Variants in KDM6A observed in about 807,000 individuals in gnomAD.
The protein encoded by KDM6A is lysine-specific demethylase 6A.
A neutral mutation model predicts 117.6 loss-of-function variants in KDM6A; 11 were observed. The ratio of observed to expected loss-of-function variants is 0.09; its 90% CI spans 0.06 to 0.15. The LOEUF (loss-of-function observed/expected upper bound fraction) is 0.15. Ranked by LOEUF, KDM6A falls within the 10% of genes least tolerant of loss-of-function variation. KDM6A has a pLI of 1.00. For missense variants in KDM6A, 799 were observed against 1,077.3 expected, an observed-to-expected ratio of 0.74 and a Z score of 3.62; for synonymous variants, 384 against 396.1, an observed-to-expected ratio of 0.97 and a Z score of 0.36.
chrX:44,881,301 C>T (rs1375390725), intron 2 of KDM6A, among the ~76,000 whole-genome samples: 2 of 111,630 alleles, frequency 1.8e-5, no homozygotes, highest in Non-Finnish European at 3.8e-5. Context: ...TGTGATGGCG[C>T]GTACCTGTAA....
intron 2 of KDM6A, among the ~76,000 whole-genome samples, chrX:44,889,109 G>A (rs2033134754): frequency 8.9e-6 from 1 of 111,823 alleles, no homozygotes; most frequent in African/African-American, 3.3e-5. Context: ...TCTGCCTCCC[G>A]GATTCAAGCG....
chrX:44,970,986 C>T (rs758715881), intron 3 of KDM6A, among the ~76,000 whole-genome samples: 10 of 111,216 alleles, frequency 9.0e-5, no homozygotes, highest in Non-Finnish European at 1.9e-4. Context: ...CACCTGAGCT[C>T]ATGTGCCCAT....
intron 21 of KDM6A, 87 bp downstream of exon 21, chrX:45,079,438 C>A: frequency 1.6e-6 from 1 of 635,580 alleles, no homozygotes. Flanking sequence ...CTTTTATATG[C>A]ATCTCATCAT....
Position 44,940,680 on chromosome X carries a change from CTTAA to C in KDM6A, c.226-20598_226-20595del, listed in dbSNP as rs2037254840. Among the ~76,000 whole-genome samples the C allele has an allele frequency of 3.6e-5, 4 of 112,048 alleles. No individual in the cohort carries two copies. In the East Asian group the frequency reaches 1.1e-3, roughly 31 times the overall value. Reference sequence around the variant, plus strand: ...CTCCATGAAAAAAGAGGCCAGTTCACTTAATTAATCATTGTACAAAAATGCTTTA... The same window carrying C: ...CTCCATGAAAAAAGAGGCCAGTTCACTTAATCATTGTACAAAAATGCTTTA... On this transcript the variant is annotated intron_variant, in intron 2 of 29. Coordinates refer to ENST00000611820, the MANE Select transcript of KDM6A (RefSeq NM_001291415.2).
At chrX:45,003,697 A>ATCTC (rs754445669) in intron 4 of KDM6A, among the ~76,000 whole-genome samples, 16 of 106,134 alleles carry the variant, frequency 1.5e-4, no homozygotes, top group Admixed American at 5.0e-4. Flanking sequence ...TTTACTACTT[A>ATCTC]TCTCTCTCTC....
chrX:44,955,088 G>T (rs2038249503), intron 2 of KDM6A, among the ~76,000 whole-genome samples: 1 of 111,577 alleles, frequency 9.0e-6, no homozygotes, highest in South Asian at 3.7e-4. Flanking sequence ...AGATGATGTT[G>T]GGATGTCCAA....
intron 17 of KDM6A, among the ~76,000 whole-genome samples, chrX:45,068,333 T>A (rs1300212871): frequency 9.0e-6 from 1 of 110,502 alleles, no homozygotes; most frequent in Admixed American, 9.7e-5. Flanking sequence ...CAGAGGCAAA[T>A]TTCAGGTAAA....
chrX:44,906,310 G>A (rs898339900), intron 2 of KDM6A, among the ~76,000 whole-genome samples: 5 of 110,063 alleles, frequency 4.5e-5, no homozygotes, highest in African/African-American at 1.7e-4. Context: ...ACCACGCCTG[G>A]CTAATTTTTT....
intron 2 of KDM6A, among the ~76,000 whole-genome samples, chrX:44,885,192 A>ATT (rs368044228): frequency 6.0e-5 from 6 of 100,181 alleles, no homozygotes; most frequent in African/African-American, 7.3e-5. Context: ...CGTGCAGCTA[A>ATT]TTTTTTTTTT....
intron 25 of KDM6A, among the ~76,000 whole-genome samples, chrX:45,087,588 A>G (rs2045700371): frequency 8.9e-6 from 1 of 112,128 alleles, no homozygotes. Context: ...ACATTGTTAT[A>G]TGGGAAATCT....
intron 2 of KDM6A, 140 bp downstream of exon 2, chrX:44,874,127 G>C (rs1346610526): frequency 1.5e-5 from 8 of 547,467 alleles, no homozygotes; most frequent in East Asian, 1.5e-4. Flanking sequence ...TCCTGCCTCT[G>C]CTCTCCCCCC....
chrX:44,976,829 T>C (rs951649725), intron 4 of KDM6A, among the ~76,000 whole-genome samples: 5 of 111,435 alleles, frequency 4.5e-5, no homozygotes, highest in African/African-American at 1.6e-4. Flanking sequence ...TTTTCAGTTT[T>C]CTTGGGTAGG....
chrX:44,897,165 TCTCTCTTG>T (rs1569375237), intron 2 of KDM6A, among the ~76,000 whole-genome samples: 2 of 107,564 alleles, frequency 1.9e-5, no homozygotes, highest in African/African-American at 3.4e-5. Context: ...TAGTCTGTTT[TCTCTCTTG>T]TTTAGATTGA....
At chrX:44,928,441 C>T (rs2036430455) in intron 2 of KDM6A, among the ~76,000 whole-genome samples, 1 of 111,453 alleles carries the variant, frequency 9.0e-6, no homozygotes, top group African/African-American at 3.3e-5. Context: ...AAACAAACAT[C>T]CGACGATGGG....
Position 45,090,744 on chromosome X carries a change from T to C in KDM6A, c.3914T>C (p.Val1305Ala). 1 of 1,210,334 alleles carries C rather than the reference T, an allele frequency of 8.3e-7. No individual in the cohort carries two copies. The highest frequency in any genetic ancestry group is 1.1e-6 in the Non-Finnish European group (1 of 894,921). ...CTAGCCTGCCAGTATAAATTGGCAG[T>C]GGAACGGTACGAATGGAACAAATTG... ...PLTACQYKLAVERYEWNKLQS... is the reference protein window; with the variant it reads ...PLTACQYKLAAERYEWNKLQS... The change falls in exon 27 of 30, where the codon GTG (valine) becomes GCG (alanine). Residue 1305 changes from valine to alanine, a missense_variant. By Grantham distance (64) the Val-to-Ala change is moderately conservative. Around this residue, in one of 8 missense-constraint regions of KDM6A, gnomAD observed 291 missense variants for 437.9 expected, o/e 0.66. Coordinates refer to ENST00000611820, the MANE Select transcript of KDM6A (RefSeq NM_001291415.2).
chrX:44,881,163 G>A (rs1200014451), intron 2 of KDM6A, among the ~76,000 whole-genome samples: 2 of 112,863 alleles, frequency 1.8e-5, no homozygotes, highest in Non-Finnish European at 3.7e-5. Flanking sequence ...GGCCGGGCGC[G>A]GTGGCGCATG....
At chrX:45,051,354 A>C (rs1410297239) in intron 8 of KDM6A, among the ~76,000 whole-genome samples, 1 of 111,881 alleles carries the variant, frequency 8.9e-6, no homozygotes, top group African/African-American at 3.2e-5. Flanking sequence ...CAGTGTTTCT[A>C]GGCAGACAGA....
chrX:45,023,001 A>G (rs1467394575), intron 6 of KDM6A, among the ~76,000 whole-genome samples: 2 of 112,168 alleles, frequency 1.8e-5, no homozygotes, highest in East Asian at 5.6e-4. Flanking sequence ...TGTAGGAGAA[A>G]GATCCTGGTT....
At chrX:45,051,882 CT>C in intron 9 of KDM6A, 80 bp downstream of exon 9, 1 of 543,717 alleles carries the variant, frequency 1.8e-6, no homozygotes, top group Non-Finnish European at 3.1e-6. Context: ...AAATATGTGG[CT>C]CATATATTCT....
Sources: gnomAD v4.1 joint callset for allele counts (sites outside exome capture counted in the v4.1 genomes callset) on GRCh38, gnomAD v4.1.1 for gene constraint, gnomAD v4.1.1 regional missense constraint, MANE v1.5 for transcripts, NCBI Gene and HGNC (gene_info 2026-07-23, HGNC 2026-07-21) for gene names.